Variants in PCDH15 observed in about 807,000 individuals in gnomAD.
PCDH15 encodes the protein protocadherin related 15.
In PCDH15, 129 loss-of-function variants were observed where a neutral mutation model predicts 178.5. The ratio of observed to expected loss-of-function variants is 0.72; its 90% CI spans 0.63 to 0.84. The LOEUF is 0.84. Ranked by LOEUF, PCDH15 falls within the 40% of genes least tolerant of loss-of-function variation. The pLI, the probability that PCDH15 is intolerant of heterozygous loss-of-function variation, is 0.00. For synonymous variants in PCDH15, 800 were observed against 732.0 expected, an observed-to-expected ratio of 1.09 and a Z score of -1.50; for missense variants, 2,230 against 2,099.9, an observed-to-expected ratio of 1.06 and a Z score of -1.21.
chr10:54,028,873 G>T (rs2093206109), intron 18 of PCDH15, among the ~76,000 whole-genome samples: 1 of 150,302 alleles, frequency 6.7e-6, no homozygotes, highest in Non-Finnish European at 1.5e-5. Flanking sequence ...CACCAGCATG[G>T]CACATGTATA....
intron 3 of PCDH15, among the ~76,000 whole-genome samples, chr10:54,827,782 C>T (rs1953155587): frequency 6.6e-6 from 1 of 152,050 alleles, no homozygotes; most frequent in Admixed American, 6.6e-5. Flanking sequence ...GTTCCAAGTT[C>T]TCTGAACATG....
intron 10 of PCDH15, among the ~76,000 whole-genome samples, chr10:54,212,575 T>C (rs2051560497): frequency 6.6e-6 from 1 of 152,110 alleles, no homozygotes; most frequent in Admixed American, 6.6e-5. Context: ...CTTCCCTGAG[T>C]TTCCAGATTA....
At chr10:55,566,347 A>T (rs2132104657) in intron 2 of PCDH15, among the ~76,000 whole-genome samples, 1 of 151,802 alleles carries the variant, frequency 6.6e-6, no homozygotes, top group Non-Finnish European at 1.5e-5. Context: ...AAAGTCCCAT[A>T]TAAAACATCA....
chr10:54,530,961 A>C (rs530129558), intron 2 of PCDH15, among the ~76,000 whole-genome samples: 1 of 152,314 alleles, frequency 6.6e-6, no homozygotes, highest in South Asian at 2.1e-4. Context: ...TTTTAATAAG[A>C]ACAATTATAT....
chr10:54,606,616 T>C (rs548585527), intron 2 of PCDH15: 20 of 152,170 alleles, frequency 1.3e-4, no homozygotes, highest in African/African-American at 4.6e-4. Context: ...AGGATCAAGA[T>C]TGTGGAAAGA....
chr10:54,237,739 G>A (rs1276470050), intron 8 of PCDH15, among the ~76,000 whole-genome samples: 1 of 152,122 alleles, frequency 6.6e-6, no homozygotes, highest in South Asian at 2.1e-4. Flanking sequence ...AGTTATATGA[G>A]GTTACTGACT....
At chr10:53,845,989 T>C (rs1397109954) in intron 28 of PCDH15, among the ~76,000 whole-genome samples, 4 of 150,728 alleles carry the variant, frequency 2.7e-5, no homozygotes, top group African/African-American at 9.8e-5. Flanking sequence ...CCCAAAAATA[T>C]GTACAACTAG....
intron 18 of PCDH15, among the ~76,000 whole-genome samples, chr10:54,050,326 A>G (rs1038698909): frequency 2.0e-5 from 3 of 152,120 alleles, no homozygotes; most frequent in Non-Finnish European, 2.9e-5. Context: ...CATTTCATCT[A>G]CATTTTCTAG....
At position 55,183,053 on chromosome 10, in the gene PCDH15, C is replaced by A. The variant is rs752394775; in HGVS notation, c.-155-16402G>T. ...TCACATCTATATTCTCATCTGATGC[C>A]CAAATCCATTATGAGATATAGATAT... is the stretch of plus-strand genomic sequence containing the variant. On this transcript the variant is annotated intron_variant, in intron 1 of 5. Transcript: ENST00000458638. Among the ~76,000 whole-genome samples the A allele has an allele frequency of 2.8e-4, 43 of 151,614 alleles. 1 individual carries two copies. The highest frequency in any genetic ancestry group is 5.9e-5 in the Non-Finnish European group (4 of 67,858).
At chr10:55,479,509 C>A (rs2132115869) in intron 2 of PCDH15, among the ~76,000 whole-genome samples, 1 of 151,546 alleles carries the variant, frequency 6.6e-6, no homozygotes, top group East Asian at 1.9e-4. Flanking sequence ...ATAGGAGGAA[C>A]ATATCTCAGC....
chr10:54,487,151 A>G (rs2079170872), intron 3 of PCDH15, among the ~76,000 whole-genome samples: 2 of 152,130 alleles, frequency 1.3e-5, no homozygotes, highest in Non-Finnish European at 2.9e-5. Flanking sequence ...ATAATGGAAT[A>G]CTATTCAGCC....
chr10:54,215,792 G>A (rs7091425), intron 9 of PCDH15, among the ~76,000 whole-genome samples: 107,396 of 151,638 alleles, frequency 0.71, 39,255 homozygotes, highest in African/African-American at 0.81. Context: ...CTGTAATCCC[G>A]GCACTTTGGG....
At chr10:54,712,357 G>A (rs1213267696) in intron 1 of PCDH15, among the ~76,000 whole-genome samples, 1 of 151,736 alleles carries the variant, frequency 6.6e-6, no homozygotes, top group Non-Finnish European at 1.5e-5. Context: ...AATTTTAAAA[G>A]AGATTTAAAA....
At chr10:55,620,521 A>G (rs1843569911) in intron 2 of PCDH15, among the ~76,000 whole-genome samples, 1 of 152,070 alleles carries the variant, frequency 6.6e-6, no homozygotes, top group South Asian at 2.1e-4. Flanking sequence ...CCCATTGATT[A>G]TAATGTCACA....
intron 2 of PCDH15, among the ~76,000 whole-genome samples, chr10:55,125,171 G>GTA (rs1224502767): frequency 6.0e-5 from 9 of 150,392 alleles, no homozygotes; most frequent in South Asian, 2.1e-4. Flanking sequence ...AATTGTGTGT[G>GTA]TGTGTGTGTG....
At chr10:54,930,438 C>T (rs1020866444) in intron 2 of PCDH15, among the ~76,000 whole-genome samples, 1 of 152,134 alleles carries the variant, frequency 6.6e-6, no homozygotes, top group Non-Finnish European at 1.5e-5. Flanking sequence ...ACTCCTAAAC[C>T]CACTTATTGT....
intron 16 of PCDH15, 103 bp downstream of exon 16, chr10:54,089,881 G>A (rs1341972183): frequency 1.1e-5 from 10 of 870,554 alleles, no homozygotes; most frequent in Non-Finnish European, 1.7e-5. Context: ...AGAAAGGGAA[G>A]TACAACTACA....
intron 1 of PCDH15, among the ~76,000 whole-genome samples, chr10:55,221,048 T>A (rs748885182): frequency 7.9e-5 from 12 of 152,122 alleles, no homozygotes; most frequent in Non-Finnish European, 1.3e-4. Flanking sequence ...ATTCATATAA[T>A]GTGATGCTTT....
intron 27 of PCDH15, among the ~76,000 whole-genome samples, chr10:53,862,673 A>G (rs1382813465): frequency 6.6e-6 from 1 of 152,140 alleles, no homozygotes; most frequent in African/African-American, 2.4e-5. Context: ...GTAAATGCCT[A>G]CCAAATATTT....
Sources: gnomAD v4.1 joint callset for allele counts (sites outside exome capture counted in the v4.1 genomes callset) on GRCh38, gnomAD v4.1.1 for gene constraint, MANE v1.5 for transcripts, NCBI Gene and HGNC (gene_info 2026-07-23, HGNC 2026-07-21) for gene names.